The following LRRFIP1 variants were observed in gnomAD, a reference collection of about 807,000 sequenced individuals.
The protein encoded by LRRFIP1 is leucine-rich repeat flightless-interacting protein 1.
A neutral mutation model predicts 104.4 loss-of-function variants in LRRFIP1; 62 were observed. The observed-to-expected ratio is 0.59, with a 90% confidence interval of 0.48 to 0.73. The LOEUF (loss-of-function observed/expected upper bound fraction) is 0.73, where lower values mean the gene tolerates loss of function less well. Ranked by LOEUF, LRRFIP1 falls within the 30% of genes least tolerant of loss-of-function variation. LRRFIP1 has a pLI of 0.00. For missense variants in LRRFIP1, 796 were observed against 824.5 expected (o/e 0.97, Z 0.42); for synonymous variants, 300 against 299.0 (o/e 1.00, Z -0.03).
intron 20 of LRRFIP1, 132 bp downstream of exon 20, chr2:237,770,124 G>T: frequency 1.4e-6 from 1 of 697,658 alleles, no homozygotes; most frequent in African/African-American, 1.8e-5. Flanking sequence ...GCCAACTGGT[G>T]TTCTTAAGAT....
intron 2 of LRRFIP1, chr2:237,708,881 C>T (rs1474604721): frequency 3.3e-6 from 2 of 615,248 alleles, no homozygotes; most frequent in South Asian, 1.5e-5. Flanking sequence ...CGCAGATCGT[C>T]GTTTCTAGCT....
chr2:237,653,626 C>T (rs1280097120), intron 1 of LRRFIP1, among the ~76,000 whole-genome samples: 1 of 152,182 alleles, frequency 6.6e-6, no homozygotes, highest in Non-Finnish European at 1.5e-5. Context: ...AAGCTGTAAC[C>T]ATCAAAACAG....
At chr2:237,737,500 C>G (rs997655514) in intron 10 of LRRFIP1, among the ~76,000 whole-genome samples, 7 of 152,192 alleles carry the variant, frequency 4.6e-5, no homozygotes, top group African/African-American at 1.4e-4. Context: ...TGATTAGGTC[C>G]AGTTGGAAGG....
chr2:237,711,383 G>T lies in LRRFIP1; in HGVS notation c.183+2753G>T, dbSNP rs919016976. On this transcript the variant is annotated intron_variant, in intron 2 of 23. Coordinates refer to ENST00000308482, the MANE Select transcript of LRRFIP1 (RefSeq NM_001137550.2). This position sits in a 1 kb window ranked among gnomAD's most constrained non-coding sequence, Gnocchi z 4.4. The stretch of plus-strand genomic sequence containing the variant: ...GGGGTCACAGGGGTCAAGATATCTC[G>T]CCCTGTTGCAAATTCGGCGGAACAT... Among the ~76,000 whole-genome samples, 10 of 152,316 alleles carry T rather than the reference G, an allele frequency of 6.6e-5. No homozygotes were observed. Among genetic ancestry groups the T allele is most frequent in the East Asian group, 3.9e-4 (2 of 5,182 alleles).
chr2:237,769,765 T>G (rs761582283), intron 19 of LRRFIP1, 178 bp from the exon 20 acceptor site: 1 of 588,110 alleles, frequency 1.7e-6, no homozygotes, highest in Non-Finnish European at 3.1e-6. Context: ...TGACCCAACC[T>G]CCTTTGGCTG....
At chr2:237,713,578 C>T (rs989234050) in intron 2 of LRRFIP1, among the ~76,000 whole-genome samples, 3 of 152,246 alleles carry the variant, frequency 2.0e-5, no homozygotes, top group South Asian at 4.2e-4. Context: ...TTCTTGGTCT[C>T]GCAGTTTTGG....
intron 1 of LRRFIP1, among the ~76,000 whole-genome samples, chr2:237,702,460 T>C (rs35222513): frequency 8.5e-5 from 13 of 152,130 alleles, no homozygotes; most frequent in Middle Eastern, 3.4e-3. Flanking sequence ...GACCAACCAT[T>C]GTGGGCATTC....
intron 10 of LRRFIP1, among the ~76,000 whole-genome samples, chr2:237,736,348 T>A (rs940421975): frequency 2.6e-5 from 4 of 152,242 alleles, no homozygotes; most frequent in Non-Finnish European, 5.9e-5. Context: ...TTTTCCCAGT[T>A]GGTAAACATT....
intron 19 of LRRFIP1, chr2:237,764,059 G>A: frequency 1.9e-6 from 3 of 1,614,200 alleles, no homozygotes; most frequent in Non-Finnish European, 2.5e-6. Context: ...GAGAGCCAGG[G>A]CACTTCAATC....
intron 11 of LRRFIP1, among the ~76,000 whole-genome samples, chr2:237,742,646 A>T (rs80243957): frequency 0.054 from 8,267 of 152,294 alleles, 340 homozygotes; most frequent in East Asian, 0.14. Flanking sequence ...GTCTTGGGAC[A>T]TTTACACCAT....
intron 1 of LRRFIP1, among the ~76,000 whole-genome samples, chr2:237,640,186 G>T (rs1284813920): frequency 1.3e-5 from 2 of 152,174 alleles, no homozygotes; most frequent in East Asian, 3.9e-4. Flanking sequence ...ACATACCCTG[G>T]AAGCTGAGAT....
chr2:237,636,557 G>C (rs142372675), intron 1 of LRRFIP1, among the ~76,000 whole-genome samples: 1 of 151,926 alleles, frequency 6.6e-6, no homozygotes, highest in Non-Finnish European at 1.5e-5. Flanking sequence ...CACTTAATTT[G>C]GGGGTTTTCC....
intron 11 of LRRFIP1, among the ~76,000 whole-genome samples, chr2:237,743,712 C>T (rs1420308142): frequency 1.3e-5 from 2 of 152,134 alleles, no homozygotes; most frequent in East Asian, 1.9e-4. Context: ...CAGGGGCAGA[C>T]GGATGCTTGT....
At chr2:237,772,009 G>C in intron 20 of LRRFIP1, 72 bp from the exon 21 acceptor site, 1 of 1,019,722 alleles carries the variant, frequency 9.8e-7, no homozygotes, top group Admixed American at 2.0e-5. Flanking sequence ...CTTTCTGATG[G>C]GCTCTAACTT....
At chr2:237,668,473 C>T (rs2089845630) in intron 1 of LRRFIP1, among the ~76,000 whole-genome samples, 1 of 152,172 alleles carries the variant, frequency 6.6e-6, no homozygotes, top group African/African-American at 2.4e-5. Flanking sequence ...TTAATGACTC[C>T]CATAGCTTCC....
chr2:237,676,783 G>A (rs999572376), intron 1 of LRRFIP1, among the ~76,000 whole-genome samples: 5 of 152,192 alleles, frequency 3.3e-5, no homozygotes, highest in South Asian at 2.1e-4. Context: ...GATTACAGGC[G>A]TGAGCCACAG....
At chr2:237,651,035 A>C (rs1223919807) in intron 1 of LRRFIP1, among the ~76,000 whole-genome samples, 1 of 152,206 alleles carries the variant, frequency 6.6e-6, no homozygotes, top group Admixed American at 6.5e-5. Flanking sequence ...CACAGCCCCT[A>C]AGGTATAGAC....
intron 1 of LRRFIP1, chr2:237,692,621 GA>G: frequency 2.2e-6 from 3 of 1,341,814 alleles, no homozygotes; most frequent in Non-Finnish European, 2.9e-6. Flanking sequence ...AGGTGCCCGG[GA>G]GGCGTGGGGT....
intron 18 of LRRFIP1, among the ~76,000 whole-genome samples, chr2:237,759,590 A>G (rs1206769476): frequency 6.6e-6 from 1 of 152,192 alleles, no homozygotes; most frequent in Non-Finnish European, 1.5e-5. Flanking sequence ...TTTCTTTTGA[A>G]TATACTGAAC....
Sources: gnomAD v4.1 joint callset for allele counts (sites outside exome capture counted in the v4.1 genomes callset) on GRCh38, gnomAD v4.1.1 for gene constraint, Gnocchi (gnomAD v3.1) non-coding constraint, MANE v1.5 for transcripts, NCBI Gene and HGNC (gene_info 2026-07-23, HGNC 2026-07-21) for gene names.